The following ZNF227 variants were observed in gnomAD, a reference collection of about 807,000 sequenced individuals.
ZNF227 encodes zinc finger protein 227.
Under a neutral mutation model 13.2 loss-of-function variants are expected in ZNF227, and 12 were observed. That is an observed-to-expected ratio of 0.91 (90% confidence interval 0.58 to 1.47). ZNF227 has a LOEUF of 1.47. Among genes scored for constraint, ZNF227 ranks in the 40% most tolerant of loss-of-function variants. The pLI, the probability that ZNF227 is intolerant of heterozygous loss-of-function variation, is 0.00. For synonymous variants in ZNF227, 338 were observed against 326.0 expected (o/e 1.04, Z -0.40); for missense variants, 885 against 967.5 (o/e 0.91, Z 1.13).
chr19:44,214,439 C>G (rs1374467485), intron 2 of ZNF227, among the ~76,000 whole-genome samples: 1 of 150,942 alleles, frequency 6.6e-6, no homozygotes, highest in African/African-American at 2.4e-5. Flanking sequence ...AGTGCAGTGG[C>G]GTGATCTCAG....
intron 2 of ZNF227, among the ~76,000 whole-genome samples, chr19:44,217,293 C>T (rs1263941077): frequency 6.6e-6 from 1 of 151,946 alleles, no homozygotes; most frequent in Non-Finnish European, 1.5e-5. Flanking sequence ...CATGAAGAAG[C>T]TTTTTTGTAA....
At chr19:44,222,353 C>T (rs1972617853) in intron 3 of ZNF227, among the ~76,000 whole-genome samples, 1 of 152,062 alleles carries the variant, frequency 6.6e-6, no homozygotes, top group Non-Finnish European at 1.5e-5. Flanking sequence ...TTACCTTGGG[C>T]AGTATGGACA....
chr19:44,208,213 T>G (rs1217590240), upstream of ZNF227, among the ~76,000 whole-genome samples: 2 of 152,372 alleles, frequency 1.3e-5, no homozygotes, highest in Non-Finnish European at 2.9e-5. Context: ...GACCACTATG[T>G]ACATCAGTTC....
At chr19:44,225,148 G>C (rs1202074709) in intron 3 of ZNF227, among the ~76,000 whole-genome samples, 4 of 152,176 alleles carry the variant, frequency 2.6e-5, no homozygotes, top group South Asian at 2.1e-4. Context: ...CTGTTAGTCT[G>C]ATGGGCTTCC....
rs1268214545 is a variant in ZNF227, at chr19:44,228,451, T to C, written c.66T>C (p.Ala22=). The part of the protein sequence containing the change: ...KQEKMTKFQE[A]VTFKDVAVVF... ...ACATGTGTTTGATATTGTAGGAGGC[T>C]GTGACATTCAAGGATGTGGCTGTGG... Residue 22 remains alanine (A), a synonymous_variant, in exon 4 of 6, where the codon GCT becomes GCC. Transcript: ENST00000313040. The C allele has an allele frequency of 1.7e-5, 28 of 1,612,570 alleles. No homozygotes were observed. Among genetic ancestry groups the C allele is most frequent in the Non-Finnish European group, 2.4e-5 (28 of 1,179,636 alleles).
chr19:44,221,197 A>C (rs1460340281), intron 3 of ZNF227, among the ~76,000 whole-genome samples: 1 of 152,156 alleles, frequency 6.6e-6, no homozygotes, highest in African/African-American at 2.4e-5. Context: ...TGATGAGTTC[A>C]TGTCCTTTGT....
chr19:44,233,165 T>G (rs2122939611), intron 5 of ZNF227, among the ~76,000 whole-genome samples: 1 of 152,274 alleles, frequency 6.6e-6, no homozygotes, highest in East Asian at 1.9e-4. Flanking sequence ...GATTAGGACT[T>G]GGTAAACCAC....
chr19:44,235,811 G>T lies in ZNF227; in HGVS notation c.1381G>T (p.Glu461Ter). 6.2e-7 allele frequency: 1 copy of T among 1,613,994 alleles called. No individual in the cohort carries two copies. The highest frequency in any genetic ancestry group is 1.1e-5 in the South Asian group (1 of 91,080). Residue 461 changes from glutamate to a stop codon, truncating the protein, a stop_gained, in exon 6 of 6, where the codon GAG becomes TAG. Coordinates refer to ENST00000313040, the MANE Select transcript of ZNF227 (RefSeq NM_182490.3). LOFTEE classifies it low-confidence loss of function (END_TRUNC). ...ATGCCATCGGAGAGTCCACACAGGA[G>T]AGAAGCCATACAAGTGTGAGGCGTG... The part of the protein sequence containing the change: ...LICHRRVHTG[E>*]KPYKCEACGK...
intron 3 of ZNF227, among the ~76,000 whole-genome samples, chr19:44,221,688 A>G (rs1267706235): frequency 2.0e-5 from 3 of 152,278 alleles, no homozygotes; most frequent in East Asian, 3.9e-4. Context: ...GTAGGTTGCA[A>G]AAATTTTCTC....
chr19:44,231,625 T>C (rs994365888), intron 5 of ZNF227, among the ~76,000 whole-genome samples: 1 of 152,098 alleles, frequency 6.6e-6, no homozygotes, highest in Admixed American at 6.6e-5. Context: ...ACCACCATGC[T>C]CAGCCAAAGG....
At chr19:44,234,622 T>C in intron 5 of ZNF227, 80 bp from the exon 6 acceptor site, 1 of 1,317,916 alleles carries the variant, frequency 7.6e-7, no homozygotes, top group Non-Finnish European at 1.0e-6. Flanking sequence ...TCCCATGGCC[T>C]AAGTGTGAAA....
intron 3 of ZNF227, among the ~76,000 whole-genome samples, chr19:44,220,283 G>C (rs1972347772): frequency 6.6e-6 from 1 of 152,014 alleles, no homozygotes; most frequent in South Asian, 2.1e-4. Context: ...ATAATCCTTT[G>C]GGTATATACC....
intron 3 of ZNF227, among the ~76,000 whole-genome samples, chr19:44,219,212 C>T (rs1472094056): frequency 6.6e-6 from 1 of 152,100 alleles, no homozygotes; most frequent in Non-Finnish European, 1.5e-5. Context: ...GGAGGATAGA[C>T]CCCAACAATG....
At position 44,235,767 on chromosome 19, in the gene ZNF227, G is replaced by A; in HGVS notation, c.1337G>A (p.Ser446Asn). ...YKCDVCGKGFSHNSPLICHRR... is the reference protein window; with the variant it reads ...YKCDVCGKGFNHNSPLICHRR... ...TGTGATGTGTGTGGTAAGGGCTTCA[G>A]CCACAATTCACCATTAATATGCCAT... is the stretch of plus-strand genomic sequence containing the variant. The change falls in exon 6 of 6, where the codon AGC (serine) becomes AAC (asparagine). Residue 446 changes from serine to asparagine, a missense_variant. Physicochemically the swap from Ser to Asn is conservative, Grantham distance 46. Coordinates refer to ENST00000313040, the MANE Select transcript of ZNF227 (RefSeq NM_182490.3). 1.2e-6 allele frequency: 2 copies of A among 1,613,960 alleles called. No homozygotes were observed. Among genetic ancestry groups the A allele is most frequent in the Non-Finnish European group, 1.7e-6 (2 of 1,179,954 alleles).
At chr19:44,229,693 T>C in intron 4 of ZNF227, 40 bp from the exon 5 acceptor site, 1 of 1,421,292 alleles carries the variant, frequency 7.0e-7, no homozygotes, top group South Asian at 1.4e-5. Context: ...GTTTTAGTTG[T>C]GTGTTCATCT....
At chr19:44,211,888 GTTTTTTTTTTCTTTT>G (rs1260764433), upstream of ZNF227, among the ~76,000 whole-genome samples, 203 of 125,382 alleles carry the variant, frequency 1.6e-3, 1 homozygote, top group African/African-American at 5.4e-3. Context: ...TCTTATAATA[GTTTTTTTTTTCTTTT>G]TTTTTTTTTT....
rs200770160 is a variant in ZNF227, at chr19:44,234,691, T to G, written c.272-11T>G. 7 of 1,560,632 alleles carry G rather than the reference T, an allele frequency of 4.5e-6. No individual in the cohort carries two copies. The East Asian group carries it at 1.6e-4, about 35-fold the overall frequency. On this transcript the variant is annotated splice_polypyrimidine_tract_variant and intron_variant, in intron 5 of 5. Coordinates refer to ENST00000313040, the MANE Select transcript of ZNF227 (RefSeq NM_182490.3). ...TCATCTCTAAATATTGCCTTTTTTC[T>G]TTTTTAATAGGCAGCAAGCATCAAA...
At chr19:44,232,407 T>C (rs922074474) in intron 5 of ZNF227, among the ~76,000 whole-genome samples, 1 of 152,186 alleles carries the variant, frequency 6.6e-6, no homozygotes, top group Admixed American at 6.5e-5. Flanking sequence ...TCTGACCAAG[T>C]AGCTACAAAT....
Position 44,234,809 on chromosome 19 carries a change from T to C in ZNF227, c.379T>C (p.Leu127=), listed in dbSNP as rs142428368. Residue 127 remains leucine, a synonymous_variant, in exon 6 of 6, where the codon TTA becomes CTA. Transcript: ENST00000313040. The part of the protein sequence containing the change: ...WQIWKQVASE[L]TRCLQGKSSQ... Reference sequence around the variant, plus strand: ...AATCTGGAAACAGGTTGCAAGTGAATTAACCAGGTGTCTTCAGGGGAAGAG... The same window carrying C: ...AATCTGGAAACAGGTTGCAAGTGAACTAACCAGGTGTCTTCAGGGGAAGAG... 15 of 1,614,090 alleles carry C rather than the reference T, an allele frequency of 9.3e-6. No individual in the cohort carries two copies. Among genetic ancestry groups the C allele is most frequent in the Non-Finnish European group, 1.3e-5 (15 of 1,180,026 alleles).
Sources: gnomAD v4.1 joint callset for allele counts (sites outside exome capture counted in the v4.1 genomes callset) on GRCh38, gnomAD v4.1.1 for gene constraint, MANE v1.5 for transcripts, NCBI Gene and HGNC (gene_info 2026-07-23, HGNC 2026-07-21) for gene names.